CACNA1I: variants seen among roughly 807,000 people sequenced by gnomAD.
CACNA1I encodes the protein voltage-dependent T-type calcium channel subunit alpha-1I.
In CACNA1I, 74 loss-of-function variants were observed where a neutral mutation model predicts 201.6. The ratio of observed to expected loss-of-function variants is 0.37; its 90% confidence interval spans 0.30 to 0.45. CACNA1I has a LOEUF of 0.45. Ranked by LOEUF, CACNA1I falls within the 20% of genes least tolerant of loss-of-function variation. CACNA1I has a pLI of 1.00. For synonymous variants in CACNA1I, 1,431 were observed against 1,345.2 expected (o/e 1.06, Z -1.40); for missense variants, 2,346 against 3,138.1 (o/e 0.75, Z 6.03).
Position 39,641,279 on chromosome 22 carries a change from C to T in CACNA1I, c.1056+97C>T, listed in dbSNP as rs1934345714. The T allele has an allele frequency of 5.0e-6, 5 of 998,650 alleles. No individual in the cohort carries two copies. In the Admixed American group the frequency reaches 1.1e-4, roughly 23 times the overall value. The allele number at this position is 998,650 out of a possible 1,614,324, so 61.9% of individuals were successfully genotyped here. Reference sequence around the variant, plus strand: ...GCTAGGCATTTGCCAGCCCTCATCTCACTGAAACCTGCCCAGCTTGCTGGC... The same window carrying T: ...GCTAGGCATTTGCCAGCCCTCATCTTACTGAAACCTGCCCAGCTTGCTGGC... On this transcript the variant is annotated intron_variant, in intron 6 of 36. Coordinates refer to ENST00000402142, the MANE Select transcript of CACNA1I (RefSeq NM_021096.4).
intron 35 of CACNA1I, among the ~76,000 whole-genome samples, chr22:39,683,269 C>T (rs1318754545): frequency 6.6e-6 from 1 of 152,110 alleles, no homozygotes; most frequent in Non-Finnish European, 1.5e-5. Context: ...AACCTGGTTT[C>T]GCATCACTGG....
In CACNA1I at chr22:39,600,510, GC is replaced by G. The variant is rs1933001874; in HGVS notation, c.349-6del. 2 of 1,610,174 alleles carry G rather than the reference GC, an allele frequency of 1.2e-6. No individual in the cohort carries two copies. Among genetic ancestry groups the G allele is most frequent in the Non-Finnish European group, 1.7e-6 (2 of 1,178,242 alleles). On this transcript the variant is annotated splice_polypyrimidine_tract_variant and intron_variant, in intron 2 of 36. Transcript: ENST00000402142. The stretch of plus-strand genomic sequence containing the variant: ...CCCTGTCCCTTGCTTCCCTCCTCCT[GC>G]CCCTGCAGGTCTTTGATGACTTCAT...
intron 3 of CACNA1I, among the ~76,000 whole-genome samples, chr22:39,616,889 C>T (rs1160751508): frequency 6.6e-6 from 1 of 152,140 alleles, no homozygotes; most frequent in Non-Finnish European, 1.5e-5. Flanking sequence ...TGGTTGGTGT[C>T]CTCACTTAAC....
intron 1 of CACNA1I, among the ~76,000 whole-genome samples, chr22:39,584,322 A>T (rs1932674040): frequency 6.6e-6 from 1 of 152,130 alleles, no homozygotes; most frequent in Non-Finnish European, 1.5e-5. Flanking sequence ...ATGGGGGTGC[A>T]TCCTTCATGG....
chr22:39,640,222 C>T (rs1234205760), intron 5 of CACNA1I, among the ~76,000 whole-genome samples: 1 of 151,992 alleles, frequency 6.6e-6, no homozygotes, highest in African/African-American at 2.4e-5. Context: ...AACCCCATCT[C>T]TACTAAAAAA....
At chr22:39,591,420 C>T (rs1932820586) in intron 1 of CACNA1I, among the ~76,000 whole-genome samples, 1 of 151,940 alleles carries the variant, frequency 6.6e-6, no homozygotes, top group Non-Finnish European at 1.5e-5. Context: ...CCCCGGCCTC[C>T]CAAAGTGCTG....
chr22:39,684,885 T>G lies in CACNA1I; in HGVS notation c.6027+387T>G. On this transcript the variant is annotated intron_variant, in intron 36 of 36. Transcript: ENST00000402142. This position sits in a 1 kb window ranked among gnomAD's most constrained non-coding sequence, Gnocchi z 4.6. Reference sequence around the variant, plus strand: ...GGGTGGGTGTGAGTGGGGGCTTGATTACTAGGAATGGAGGTGGGAGGGCGG... The same window carrying G: ...GGGTGGGTGTGAGTGGGGGCTTGATGACTAGGAATGGAGGTGGGAGGGCGG... The G allele has an allele frequency of 2.4e-6, 1 of 413,188 alleles. No individual in the cohort carries two copies. 25.6% of individuals were successfully genotyped at this position (413,188 alleles called of 1,614,324 possible). A position where few individuals can be genotyped will look rare whatever the true frequency, so the allele number is the denominator to read the frequency against.
At chr22:39,603,839 C>T (rs1339234552) in intron 3 of CACNA1I, among the ~76,000 whole-genome samples, 2 of 152,198 alleles carry the variant, frequency 1.3e-5, no homozygotes, top group Non-Finnish European at 2.9e-5. Context: ...AGAGTCAAAA[C>T]TGGTTAATAA....
In CACNA1I at chr22:39,679,475, C is replaced by G. The variant is rs1019017300; in HGVS notation, c.5394+30C>G. 1.2e-5 allele frequency: 17 copies of G among 1,366,812 alleles called. No individual in the cohort carries two copies. The East Asian group carries it at 4.6e-4, about 37-fold the overall frequency. The allele number at this position is 1,366,812 out of a possible 1,614,324, so 84.7% of individuals were successfully genotyped here. On this transcript the variant is annotated intron_variant, in intron 32 of 36. Transcript: ENST00000402142. Reference sequence around the variant, plus strand: ...GCAGGGGCTGGAGAGGTGTGAGGGTCGCCAGAGGGGGGGCACCGCAGGGCC... The same window carrying G: ...GCAGGGGCTGGAGAGGTGTGAGGGTGGCCAGAGGGGGGGCACCGCAGGGCC...
chr22:39,684,663 G>C lies in CACNA1I; in HGVS notation c.6027+165G>C. 9.7e-6 allele frequency: 7 copies of C among 721,050 alleles called. No individual in the cohort carries two copies. In the South Asian group the frequency reaches 1.1e-4, roughly 11 times the overall value. 44.7% of individuals were successfully genotyped at this position (721,050 alleles called of 1,614,324 possible). A position where few individuals can be genotyped will look rare whatever the true frequency, so the allele number is the denominator to read the frequency against. ...ACGCTGGGGTGACGCTGAGACTGGAGGGGGAGGTGGCACTGGGGCGGATGG... is the reference window on the plus strand; with the variant it reads ...ACGCTGGGGTGACGCTGAGACTGGACGGGGAGGTGGCACTGGGGCGGATGG... On this transcript the variant is annotated intron_variant, in intron 36 of 36. Coordinates refer to ENST00000402142, the MANE Select transcript of CACNA1I (RefSeq NM_021096.4). This position sits in a 1 kb window ranked among gnomAD's most constrained non-coding sequence, Gnocchi z 4.6.
At chr22:39,622,942 A>G (rs1933790412) in intron 4 of CACNA1I, among the ~76,000 whole-genome samples, 1 of 152,202 alleles carries the variant, frequency 6.6e-6, no homozygotes, top group African/African-American at 2.4e-5. Context: ...CACGGAGCCC[A>G]CAGGCACCGC....
intron 28 of CACNA1I, among the ~76,000 whole-genome samples, chr22:39,673,292 C>T (rs1486528269): frequency 6.6e-6 from 1 of 152,096 alleles, no homozygotes; most frequent in Non-Finnish European, 1.5e-5. Context: ...GCACACACCT[C>T]CCCCAACACA....
At chr22:39,608,988 G>C (rs916202399) in intron 3 of CACNA1I, among the ~76,000 whole-genome samples, 9 of 152,218 alleles carry the variant, frequency 5.9e-5, no homozygotes, top group African/African-American at 2.2e-4. Flanking sequence ...GATCAGGCAG[G>C]TATGTCCCTG....
chr22:39,662,239 T>C lies in CACNA1I; in HGVS notation c.3176T>C (p.Leu1059Pro), dbSNP rs949844214. ...CGCCACCACCGCCGGACGCTGTCCC[T>C]CGACAACAGGGACTCGGTGGACCTG... is the stretch of plus-strand genomic sequence containing the variant. ...RHRHHRRTLS[L>P]DNRDSVDLAE... The change falls in exon 17 of 37, where the codon CTC becomes CCC. Residue 1059 changes from leucine (L) to proline (P), a missense_variant. Physicochemically the swap from Leu to Pro is moderately conservative, Grantham distance 98. Transcript: ENST00000402142. 6.5e-7 allele frequency: 1 copy of C among 1,528,520 alleles called. No homozygotes were observed. Among genetic ancestry groups the C allele is most frequent in the African/African-American group, 1.4e-5 (1 of 70,334 alleles). The allele number at this position is 1,528,520 out of a possible 1,614,324, so 94.7% of individuals were successfully genotyped here.
At chr22:39,662,643 C>T (rs891136961) in intron 17 of CACNA1I, 133 bp from the exon 18 acceptor site, 15 of 735,638 alleles carry the variant, frequency 2.0e-5, no homozygotes, top group Admixed American at 1.3e-4. Context: ...GAGAGAAGCC[C>T]TCCCTGGCTG....
intron 10 of CACNA1I, among the ~76,000 whole-genome samples, chr22:39,650,526 T>A (rs1934615958): frequency 1.3e-5 from 2 of 152,138 alleles, no homozygotes; most frequent in South Asian, 4.1e-4. Context: ...GTTGGGCTCT[T>A]CCCTGCCTCA....
intron 1 of CACNA1I, among the ~76,000 whole-genome samples, chr22:39,597,343 G>C (rs1359491550): frequency 2.0e-5 from 3 of 152,200 alleles, no homozygotes; most frequent in Non-Finnish European, 4.4e-5. Flanking sequence ...TCTAAGGATG[G>C]GTAGGAGTTG....
Position 39,679,121 on chromosome 22 carries a change from C to A in CACNA1I, c.5070C>A (p.Asp1690Glu). 6.3e-7 allele frequency: 1 copy of A among 1,593,658 alleles called. No individual in the cohort carries two copies. Among genetic ancestry groups the A allele is most frequent in the Non-Finnish European group, 8.5e-7 (1 of 1,171,064 alleles). ...CTGCCACGCAGGACACGCTGCGGGA[C>A]TGCACCCACGACGAGCGCAGCTGCC... is the stretch of plus-strand genomic sequence containing the variant. ...WNGIMKDTLRDCTHDERSCLS... is the reference protein window; with the variant it reads ...WNGIMKDTLRECTHDERSCLS... Residue 1690 changes from aspartate (D) to glutamate (E), a missense_variant, in exon 32 of 37, where the codon GAC (aspartate) becomes GAA (glutamate). Physicochemically the swap from Asp to Glu is conservative, Grantham distance 45. Coordinates refer to ENST00000402142, the MANE Select transcript of CACNA1I (RefSeq NM_021096.4).
chr22:39,640,959 T>C lies in CACNA1I; in HGVS notation c.833T>C (p.Met278Thr). The C allele has an allele frequency of 6.2e-7, 1 of 1,614,014 alleles. No individual in the cohort carries two copies. The highest frequency in any genetic ancestry group is 8.5e-7 in the Non-Finnish European group (1 of 1,179,900). ...TCCCTGTCGGGCGACAATGGGATAA[T>C]GGGCTGCCATGAGATCCCCCCGCTC... Reference protein sequence around the residue: ...ICSLSGDNGIMGCHEIPPLKE... With the variant: ...ICSLSGDNGITGCHEIPPLKE... The change falls in exon 6 of 37, where the codon ATG becomes ACG. Residue 278 changes from methionine (M) to threonine (T), a missense_variant. Physicochemically the swap from Met to Thr is moderately conservative, Grantham distance 81. Transcript: ENST00000402142.
Sources: allele counts gnomAD v4.1 joint callset (sites outside exome capture counted in the v4.1 genomes callset), GRCh38; gene constraint gnomAD v4.1.1; non-coding constraint Gnocchi (gnomAD v3.1); transcripts MANE v1.5; gene names NCBI Gene and HGNC (gene_info 2026-07-23, HGNC 2026-07-21).